Variants in POR observed in about 807,000 individuals in gnomAD.
POR encodes cytochrome p450 oxidoreductase, also known as NADPH--cytochrome P450 reductase.
POR carries 56 observed loss-of-function variants against 84.0 expected under a neutral mutation model. That is an observed-to-expected ratio of 0.67 (90% CI 0.54 to 0.83). POR has a LOEUF of 0.83. POR is among the 40% of genes least tolerant of loss of function. The pLI is 0.00. For synonymous variants in POR, 414 were observed against 400.5 expected (o/e 1.03, Z -0.40); for missense variants, 938 against 944.3 (o/e 0.99, Z 0.09).
chr7:75,920,056 CTTTTTTTTTT>C (rs71519397), intron 1 of POR, among the ~76,000 whole-genome samples: 183 of 76,518 alleles, frequency 2.4e-3, no homozygotes, highest in African/African-American at 9.5e-3. Context: ...AGTTGAATTT[CTTTTTTTTTT>C]TTTTTTTTTT....
chr7:75,949,777 C>T (rs984357717), intron 1 of POR, among the ~76,000 whole-genome samples: 8 of 152,188 alleles, frequency 5.3e-5, no homozygotes, highest in Non-Finnish European at 1.2e-4. Context: ...GCCTCGGCCT[C>T]CCAAAGTGCT....
In POR at chr7:75,983,744, A is replaced by C. The variant is rs782448070; in HGVS notation, c.954A>C (p.Glu318Asp). ...GCCTCACATCTCCCTCCAGGTATGA[A>C]TCTGGGGACCACGTGGCTGTGTACC... is the stretch of plus-strand genomic sequence containing the variant. The change falls in exon 10 of 16, where the codon GAA becomes GAC. Residue 318 changes from glutamate to aspartate, a missense_variant. Glu to Asp is a conservative substitution (Grantham distance 45). Transcript: ENST00000461988. The C allele has an allele frequency of 2.2e-5, 36 of 1,612,096 alleles. No homozygotes were observed. Among genetic ancestry groups the C allele is most frequent in the Middle Eastern group, 1.6e-4 (1 of 6,084 alleles).
chr7:75,937,299 A>AT (rs1807743233), intron 1 of POR, among the ~76,000 whole-genome samples: 1 of 149,484 alleles, frequency 6.7e-6, no homozygotes, highest in South Asian at 2.1e-4. Flanking sequence ...TACAAAAAAA[A>AT]AAAAAAAACA....
At chr7:75,932,652 T>G (rs961861547) in intron 1 of POR, among the ~76,000 whole-genome samples, 1 of 152,138 alleles carries the variant, frequency 6.6e-6, no homozygotes, top group African/African-American at 2.4e-5. Flanking sequence ...CATTTGAGAA[T>G]TTATAACAAG....
At chr7:75,952,644 G>A (rs1347693830) in intron 1 of POR, among the ~76,000 whole-genome samples, 6 of 151,216 alleles carry the variant, frequency 4.0e-5, no homozygotes, top group Admixed American at 1.3e-4. Flanking sequence ...CTCCCAGATG[G>A]GGTCGCGGCC....
At chr7:75,975,016 A>G (rs890602762) in intron 3 of POR, among the ~76,000 whole-genome samples, 3 of 152,066 alleles carry the variant, frequency 2.0e-5, no homozygotes, top group African/African-American at 4.8e-5. Flanking sequence ...TTGTCTTTCA[A>G]CCTAGCTGAT....
In POR at chr7:75,981,090, A is replaced by ATGGGCAAGTACG. The variant is rs1563430592; in HGVS notation, c.563_574dup (p.Gly188_Val191dup). 3.8e-6 allele frequency: 6 copies of ATGGGCAAGTACG among 1,574,194 alleles called. No homozygotes were observed. Among genetic ancestry groups the ATGGGCAAGTACG allele is most frequent in the Admixed American group, 1.8e-5 (1 of 54,402 alleles). On this transcript the variant is annotated inframe_insertion, in exon 6 of 16. Transcript: ENST00000461988. ...CAAGACCTACGAGCACTTCAATGCC[A>ATGGGCAAGTACG]TGGGCAAGTACGTGGACAAGCGGCT...
chr7:75,960,895 A>C (rs1321243015), intron 2 of POR, among the ~76,000 whole-genome samples: 2 of 152,072 alleles, frequency 1.3e-5, no homozygotes, highest in African/African-American at 4.8e-5. Context: ...TTTGGCTTAC[A>C]CAGTATTTTT....
chr7:75,981,252 T>C, intron 6 of POR, 80 bp downstream of exon 6: 2 of 1,459,818 alleles, frequency 1.4e-6, no homozygotes, highest in Non-Finnish European at 1.8e-6. Flanking sequence ...CGCACACCAT[T>C]GTGTCAGCTG....
At chr7:75,915,621 G>T (rs1023317441) in intron 1 of POR, 1 of 152,298 alleles carries the variant, frequency 6.6e-6, no homozygotes, top group African/African-American at 2.4e-5. Flanking sequence ...CGTGAGAGGC[G>T]CTCGATGCAT....
At position 75,980,476 on chromosome 7, in the gene POR, G is replaced by C. The variant is rs1489788933; in HGVS notation, c.504G>C (p.Gly168=). ...AGGAGACAGACGTGGATCTCTCTGG[G>C]GTCAAGTTCGCGGTGAGTCACCCAG... is the stretch of plus-strand genomic sequence containing the variant. Residue 168 remains glycine (G), a synonymous_variant, in exon 5 of 16, where the codon GGG becomes GGC. Coordinates refer to ENST00000461988, the MANE Select transcript of POR (RefSeq NM_000941.3). 1.9e-6 allele frequency: 3 copies of C among 1,612,796 alleles called. No homozygotes were observed. The highest frequency in any genetic ancestry group is 4.5e-5 in the East Asian group (2 of 44,876).
chr7:75,934,113 A>G (rs1472656668), intron 1 of POR, among the ~76,000 whole-genome samples: 3 of 133,774 alleles, frequency 2.2e-5, no homozygotes, highest in Non-Finnish European at 4.7e-5. Context: ...TCCTGGTCCA[A>G]GACCTCAGAG....
intron 1 of POR, among the ~76,000 whole-genome samples, chr7:75,938,130 G>C (rs782189713): frequency 6.6e-6 from 1 of 152,174 alleles, no homozygotes; most frequent in Non-Finnish European, 1.5e-5. Context: ...ATCTGACTCA[G>C]CAGCTGCCTT....
intron 1 of POR, among the ~76,000 whole-genome samples, chr7:75,931,154 A>G (rs1412749461): frequency 6.6e-6 from 1 of 152,072 alleles, no homozygotes; most frequent in Non-Finnish European, 1.5e-5. Context: ...CCCCAAAAGG[A>G]AACAATCCAA....
intron 5 of POR, 23 bp from the exon 6 acceptor site, chr7:75,981,024 AG>A: frequency 6.5e-7 from 1 of 1,547,456 alleles, no homozygotes; most frequent in East Asian, 2.4e-5. Flanking sequence ...GCCAGGCCTC[AG>A]AGCGGCCCCT....
chr7:75,916,685 T>C (rs1333208789), intron 1 of POR, among the ~76,000 whole-genome samples: 1 of 151,984 alleles, frequency 6.6e-6, no homozygotes, highest in Non-Finnish European at 1.5e-5. Flanking sequence ...AACTTAGGAG[T>C]GATCTTAATT....
chr7:75,974,339 CGT>C (rs1325998088), intron 3 of POR, among the ~76,000 whole-genome samples: 4 of 151,838 alleles, frequency 2.6e-5, no homozygotes, highest in Admixed American at 6.6e-5. Flanking sequence ...AGAATAGCGA[CGT>C]GTGAGAAAAC....
intron 1 of POR, among the ~76,000 whole-genome samples, chr7:75,935,609 T>C (rs2116305169): frequency 6.9e-6 from 1 of 145,342 alleles, no homozygotes; most frequent in East Asian, 2.0e-4. Context: ...TTCCAAGGGC[T>C]GCTCGGGGCT....
chr7:75,916,317 T>C (rs2116158145), intron 1 of POR, among the ~76,000 whole-genome samples: 1 of 152,354 alleles, frequency 6.6e-6, no homozygotes, highest in Middle Eastern at 3.4e-3. Flanking sequence ...TTCACTGCTG[T>C]AATTCCTTGG....
Sources: gnomAD v4.1 joint callset for allele counts (sites outside exome capture counted in the v4.1 genomes callset) on GRCh38, gnomAD v4.1.1 for gene constraint, MANE v1.5 for transcripts, NCBI Gene and HGNC (gene_info 2026-07-23, HGNC 2026-07-21) for gene names.